BDH1: variants seen among roughly 807,000 people sequenced by gnomAD.
BDH1 encodes the protein 3-hydroxybutyrate dehydrogenase 1, also known as D-beta-hydroxybutyrate dehydrogenase, mitochondrial.
BDH1 carries 30 observed loss-of-function variants against 33.1 expected under a neutral mutation model. That is an observed-to-expected ratio of 0.91 (90% confidence interval 0.68 to 1.23). The LOEUF (loss-of-function observed/expected upper bound fraction) is 1.23, where lower values mean the gene tolerates loss of function less well. Ranked by LOEUF, BDH1 falls within the 50% of genes most tolerant of loss-of-function variation. The probability of loss-of-function intolerance (pLI) is 0.00; values close to 1 mark genes in which losing one functional copy is unlikely to be tolerated. For synonymous variants in BDH1, 190 were observed against 183.6 expected, an observed-to-expected ratio of 1.03 and a Z score of -0.28; for missense variants, 443 against 464.4, an observed-to-expected ratio of 0.95 and a Z score of 0.42.
rs531448024 is a variant in BDH1, at chr3:197,562,202, T to C, written c.-44+10979A>G. 2.3e-3 allele frequency among the ~76,000 whole-genome samples: 343 copies of C among 151,820 alleles called. 2 individuals are homozygous for C. Among genetic ancestry groups the C allele is most frequent in the Middle Eastern group, 0.017 (5 of 294 alleles). On this transcript the variant is annotated intron_variant, in intron 1 of 6. Transcript: ENST00000358186. ...GTGGCTGAGCACAGTTTACAGGAAG[T>C]GGTCTTGGCTGGTTTCTTTTCTTTT...
intron 1 of BDH1, among the ~76,000 whole-genome samples, chr3:197,564,873 T>C (rs1341941121): frequency 1.3e-5 from 2 of 152,236 alleles, no homozygotes; most frequent in Non-Finnish European, 2.9e-5. Context: ...AGATTGTTTA[T>C]AAAATTTTAG....
chr3:197,521,107 T>A lies in BDH1; in HGVS notation c.409+1533A>T, dbSNP rs1032412762. 6.6e-6 allele frequency among the ~76,000 whole-genome samples: 1 copy of A among 152,124 alleles called. No homozygotes were observed. The highest frequency in any genetic ancestry group is 1.5e-5 in the Non-Finnish European group (1 of 68,008). On this transcript the variant is annotated intron_variant, in intron 6 of 7. Transcript: ENST00000392379. This position sits in a 1 kb window ranked among gnomAD's most constrained non-coding sequence, Gnocchi z 4.9. ...GTCACTCCTGCCTTTTCCGCCTCCT[T>A]CCCCAGCCACTGAAGTAGCTGCTCC...
At chr3:197,534,162 G>A (rs1714949964) in intron 3 of BDH1, 1 of 152,202 alleles carries the variant, frequency 6.6e-6, no homozygotes. Flanking sequence ...TACTGACACG[G>A]ATACAATAAA....
At chr3:197,538,770 A>C (rs1036987447) in intron 3 of BDH1, 6 of 175,150 alleles carry the variant, frequency 3.4e-5, no homozygotes, top group African/African-American at 1.4e-4. Context: ...ATGAGGGTTC[A>C]CTAGGAAAAC....
At position 197,525,147 on chromosome 3, in the gene BDH1, G is replaced by T. The variant is rs1713965557; in HGVS notation, c.268-2366C>A. On this transcript the variant is annotated intron_variant, in intron 5 of 7. Transcript: ENST00000392379. This position sits in a 1 kb window ranked among gnomAD's most constrained non-coding sequence, Gnocchi z 4.9. Reference sequence around the variant, plus strand: ...CAAGAAAGAACTAATGCATCTTCAGGTCTAGGGTGTGATGACGTGGTGCCT... The same window carrying T: ...CAAGAAAGAACTAATGCATCTTCAGTTCTAGGGTGTGATGACGTGGTGCCT... Among the ~76,000 whole-genome samples, 1 of 152,178 alleles carries T rather than the reference G, an allele frequency of 6.6e-6. No homozygotes were observed. The highest frequency in any genetic ancestry group is 1.5e-5 in the Non-Finnish European group (1 of 68,032).
intron 3 of BDH1, among the ~76,000 whole-genome samples, chr3:197,535,797 C>T (rs1010186031): frequency 6.6e-6 from 1 of 152,090 alleles, no homozygotes; most frequent in Non-Finnish European, 1.5e-5. Context: ...GTAATCCCAG[C>T]GCTTTGGGAG....
chr3:197,512,312 G>A lies in BDH1; in HGVS notation c.615C>T (p.Arg205=), dbSNP rs773061706. 4 of 1,611,642 alleles carry A rather than the reference G, an allele frequency of 2.5e-6. No homozygotes were observed. In the East Asian group the frequency reaches 6.7e-5, roughly 27 times the overall value. ...CGAACTTGGTGATGCAGTACGGGGA[G>A]CGGGCCGGGTTGGCCATGCGGCCCA... ...SMLGRMANPA[R]SPYCITKFGV... is the part of the protein sequence containing the mutation. The change falls in exon 8 of 8, where the codon CGC becomes CGT. Residue 205 remains arginine (R), a synonymous_variant. Coordinates refer to ENST00000392379, the MANE Select transcript of BDH1 (RefSeq NM_203314.3).
At position 197,526,391 on chromosome 3, in the gene BDH1, T is replaced by C. The variant is rs1714099388; in HGVS notation, c.268-3610A>G. On this transcript the variant is annotated intron_variant, in intron 5 of 7. Transcript: ENST00000392379. The surrounding 1 kb of genome is among the most constrained non-coding windows in gnomAD (Gnocchi z 4.7). ...GGGCAGCAAATTAGGGGCAAGACTG[T>C]AGTCGTCTGAGGCTGGCTAATGTCT... 6.6e-6 allele frequency among the ~76,000 whole-genome samples: 1 copy of C among 152,226 alleles called. No homozygotes were observed. The highest frequency in any genetic ancestry group is 2.4e-5 in the African/African-American group (1 of 41,458).
At chr3:197,539,747 A>G (rs1298366290) in intron 3 of BDH1, among the ~76,000 whole-genome samples, 1 of 152,182 alleles carries the variant, frequency 6.6e-6, no homozygotes, top group Non-Finnish European at 1.5e-5. Context: ...GCAAGAAGAC[A>G]GCTTCAATTT....
intron 3 of BDH1, chr3:197,533,946 T>G: frequency 5.2e-6 from 1 of 193,330 alleles, no homozygotes; most frequent in Non-Finnish European, 1.1e-5. Flanking sequence ...TGTAGTAGTA[T>G]AGCTTTGTTA....
At chr3:197,569,170 C>T (rs755272960) in intron 1 of BDH1, among the ~76,000 whole-genome samples, 4 of 152,194 alleles carry the variant, frequency 2.6e-5, no homozygotes, top group Non-Finnish European at 5.9e-5. Flanking sequence ...TTAAGCACAC[C>T]ACCAATTGTT....
At position 197,527,354 on chromosome 3, in the gene BDH1, A is replaced by G. The variant is rs115899696; in HGVS notation, c.268-4573T>C. Among the ~76,000 whole-genome samples, 762 of 152,276 alleles carry G rather than the reference A, an allele frequency of 5.0e-3. 3 individuals are homozygous for G. Among genetic ancestry groups the G allele is most frequent in the African/African-American group, 0.017 (713 of 41,554 alleles). ...CATGATGTGGTCTGAGAAGTGGCCA[A>G]TGGATTTGGGAAAATGGGGGCTGTT... On this transcript the variant is annotated intron_variant, in intron 5 of 7. Transcript: ENST00000392379.
rs967270459 is a variant in BDH1, at chr3:197,521,367, G to C, written c.409+1273C>G. On this transcript the variant is annotated intron_variant, in intron 6 of 7. Coordinates refer to ENST00000392379, the MANE Select transcript of BDH1 (RefSeq NM_203314.3). The surrounding 1 kb of genome is among the most constrained non-coding windows in gnomAD (Gnocchi z 4.9). ...AGGCCCTCCACTGGCTGAACTGGAA[G>C]GATATTTTAGTCCTTATGCTACTGG... Among the ~76,000 whole-genome samples, 1 of 152,204 alleles carries C rather than the reference G, an allele frequency of 6.6e-6. No individual in the cohort carries two copies. The highest frequency in any genetic ancestry group is 2.4e-5 in the African/African-American group (1 of 41,432).
chr3:197,567,939 C>T (rs1413542230), intron 1 of BDH1, among the ~76,000 whole-genome samples: 1 of 152,192 alleles, frequency 6.6e-6, no homozygotes, highest in Non-Finnish European at 1.5e-5. Flanking sequence ...GGCCCCTGAC[C>T]TGAGAGATCA....
rs200666220 is a variant in BDH1 at position 197,522,707 on chromosome 3, G to A, written c.342C>T (p.Val114=). 62 of 1,614,222 alleles carry A rather than the reference G, an allele frequency of 3.8e-5. No homozygotes were observed. The East Asian group carries it at 1.3e-3, about 33-fold the overall frequency. Residue 114 remains valine, a synonymous_variant, in exon 6 of 8, where the codon GTC becomes GTT. Transcript: ENST00000392379. This position sits in a 1 kb window ranked among gnomAD's most constrained non-coding sequence, Gnocchi z 4.8. ...SDRLRTVQLN[V]CSSEEVEKVV... ...CTTTCTCCACCTCTTCGCTGCTGCA[G>A]ACATTGAGCTGGACGGTTCTCAATC...
intron 7 of BDH1, among the ~76,000 whole-genome samples, chr3:197,513,691 A>G (rs1318863285): frequency 6.6e-6 from 1 of 152,200 alleles, no homozygotes; most frequent in East Asian, 1.9e-4. Context: ...ACTTCACCAT[A>G]GATGTATGGA....
intron 3 of BDH1, among the ~76,000 whole-genome samples, chr3:197,543,873 G>A (rs533977887): frequency 9.9e-5 from 15 of 152,254 alleles, no homozygotes; most frequent in African/African-American, 1.9e-4. Flanking sequence ...GGAATAACTC[G>A]CTCAGTGTGA....
At position 197,525,265 on chromosome 3, in the gene BDH1, C is replaced by T. The variant is rs1358736352; in HGVS notation, c.268-2484G>A. 6.6e-6 allele frequency among the ~76,000 whole-genome samples: 1 copy of T among 152,238 alleles called. No individual in the cohort carries two copies. Among genetic ancestry groups the T allele is most frequent in the Non-Finnish European group, 1.5e-5 (1 of 68,044 alleles). On this transcript the variant is annotated intron_variant, in intron 5 of 7. Coordinates refer to ENST00000392379, the MANE Select transcript of BDH1 (RefSeq NM_203314.3). The surrounding 1 kb of genome is among the most constrained non-coding windows in gnomAD (Gnocchi z 4.9). ...CTTCCACCTGGTGGCCCTTCAAATG[C>T]CCCTTGGCGTGGAGCTCACATGATC...
chr3:197,539,730 ACT>A (rs202079244), intron 3 of BDH1, among the ~76,000 whole-genome samples: 1,944 of 152,254 alleles, frequency 0.013, 48 homozygotes, highest in African/African-American at 0.044. Context: ...CCAGGAACTG[ACT>A]CAGCGCAAGA....
Sources: gnomAD v4.1 joint callset for allele counts (sites outside exome capture counted in the v4.1 genomes callset) on GRCh38, gnomAD v4.1.1 for gene constraint, Gnocchi (gnomAD v3.1) non-coding constraint, MANE v1.5 for transcripts, NCBI Gene and HGNC (gene_info 2026-07-23, HGNC 2026-07-21) for gene names.